The following STARD13 variants were observed in gnomAD, a reference collection of about 807,000 sequenced individuals.
The protein encoded by STARD13 is stAR-related lipid transfer protein 13.
In STARD13, 62 loss-of-function variants were observed where a neutral mutation model predicts 106.4. The observed-to-expected ratio is 0.58, with a 90% confidence interval of 0.48 to 0.72. The LOEUF is 0.72. STARD13 is among the 30% of genes least tolerant of loss of function. The pLI, the probability that STARD13 is intolerant of heterozygous loss-of-function variation, is 0.00. For missense variants in STARD13, 1,387 were observed against 1,424.0 expected (o/e 0.97, Z 0.42); for synonymous variants, 565 against 553.0 (o/e 1.02, Z -0.31).
At chr13:33,510,494 T>C in the STARD13 span, among the ~76,000 whole-genome samples, 1 of 152,286 alleles carries the variant, frequency 6.6e-6, no homozygotes, top group East Asian at 1.9e-4. Context: ...CTAGAACTCC[T>C]GGCTCTAGGG....
chr13:33,380,617 C>G, the STARD13 span, among the ~76,000 whole-genome samples: 1 of 151,846 alleles, frequency 6.6e-6, no homozygotes, highest in Non-Finnish European at 1.5e-5. Flanking sequence ...AAGGGGGAGG[C>G]AGGAGAGGAT....
At position 33,109,879 on chromosome 13, in the gene STARD13, A is replaced by G; in HGVS notation, c.3041T>C (p.Val1014Ala). Reference protein sequence around the residue: ...MAPHPSRDFVVLRTWKTDLPK... With the variant: ...MAPHPSRDFVALRTWKTDLPK... The stretch of plus-strand genomic sequence containing the variant: ...ACCCTAGAGTCAGGCTCACCTGAGA[A>G]CCACAAAGTCTCTGGAAGGATGGGG... Residue 1014 changes from valine (V) to alanine (A), a missense_variant, in exon 12 of 14, where the codon GTT becomes GCT. Coordinates refer to ENST00000336934, the MANE Select transcript of STARD13 (RefSeq NM_178006.4). 6.2e-7 allele frequency: 1 copy of G among 1,614,200 alleles called. No homozygotes were observed. The highest frequency in any genetic ancestry group is 8.5e-7 in the Non-Finnish European group (1 of 1,180,000).
chr13:33,171,520 C>T (rs797225), intron 1 of STARD13, among the ~76,000 whole-genome samples: 1 of 152,052 alleles, frequency 6.6e-6, no homozygotes, highest in African/African-American at 2.4e-5. Context: ...GATAACGGAA[C>T]CTCTTTCTGC....
the STARD13 span, among the ~76,000 whole-genome samples, chr13:33,498,584 G>T: frequency 1.3e-5 from 2 of 152,056 alleles, no homozygotes; most frequent in African/African-American, 4.8e-5. Flanking sequence ...TATTAAATGG[G>T]TCCAAATTAT....
At chr13:33,209,830 A>G (rs1164407465) in intron 1 of STARD13, among the ~76,000 whole-genome samples, 2 of 152,014 alleles carry the variant, frequency 1.3e-5, no homozygotes, top group Non-Finnish European at 2.9e-5. Context: ...AAAATTAGCC[A>G]GGCATGGCAG....
At chr13:33,518,461 A>G in the STARD13 span, among the ~76,000 whole-genome samples, 56 of 152,232 alleles carry the variant, frequency 3.7e-4, no homozygotes, top group African/African-American at 1.3e-3. Context: ...TCAAAAAGCT[A>G]TGCCAAACTG....
intron 13 of STARD13, 99 bp from the exon 14 acceptor site, chr13:33,105,809 G>A (rs1409396791): frequency 2.1e-6 from 2 of 971,634 alleles, no homozygotes; most frequent in Non-Finnish European, 3.3e-6. Flanking sequence ...CCGATGACCA[G>A]TGAACCTGCA....
chr13:33,314,277 G>A (rs2138509519), intron 1 of STARD13, among the ~76,000 whole-genome samples: 1 of 152,286 alleles, frequency 6.6e-6, no homozygotes, highest in South Asian at 2.1e-4. Flanking sequence ...AGTGGCATCA[G>A]AGAAACTCCA....
intron 1 of STARD13, among the ~76,000 whole-genome samples, chr13:33,172,310 G>A (rs937865210): frequency 9.2e-5 from 14 of 152,156 alleles, no homozygotes; most frequent in Middle Eastern, 3.2e-3. Flanking sequence ...ACTGCCAATT[G>A]CATTTCCCTG....
the STARD13 span, among the ~76,000 whole-genome samples, chr13:33,511,867 C>T: frequency 6.6e-6 from 1 of 152,196 alleles, no homozygotes; most frequent in Non-Finnish European, 1.5e-5. Flanking sequence ...TCTTTATACA[C>T]TAGCCCCATG....
Position 33,129,675 on chromosome 13 carries a change from G to T in STARD13, c.1002C>A (p.Ser334Arg). 1 of 1,613,978 alleles carries T rather than the reference G, an allele frequency of 6.2e-7. No individual in the cohort carries two copies. Among genetic ancestry groups the T allele is most frequent in the Non-Finnish European group, 8.5e-7 (1 of 1,180,034 alleles). Residue 334 changes from serine (S) to arginine (R), a missense_variant, in exon 5 of 14, where the codon AGC becomes AGA. Transcript: ENST00000336934. ...PCSGKSSGES[S>R]PSEHSSSGVS... ...CCCCGCTGCTGCTGTGCTCCGACGG[G>T]CTGCTCTCGCCACTCGACTTGCCAG...
At chr13:33,369,773 G>A in the STARD13 span, among the ~76,000 whole-genome samples, 1 of 151,932 alleles carries the variant, frequency 6.6e-6, no homozygotes, top group African/African-American at 2.4e-5. Context: ...TGCTTTGAGA[G>A]TTACTTATCA....
At chr13:33,432,846 A>G in the STARD13 span, among the ~76,000 whole-genome samples, 1 of 152,216 alleles carries the variant, frequency 6.6e-6, no homozygotes, top group Non-Finnish European at 1.5e-5. Context: ...ACTAATCTCA[A>G]AATGATTTAG....
At position 33,111,826 on chromosome 13, in the gene STARD13, T is replaced by C; in HGVS notation, c.2559A>G (p.Ala853=). The C allele has an allele frequency of 1.2e-6, 2 of 1,614,222 alleles. No individual in the cohort carries two copies. Among genetic ancestry groups the C allele is most frequent in the Non-Finnish European group, 1.7e-6 (2 of 1,180,030 alleles). ...DQKDLNENLA[A]AQGLAHMIME... ...TGATCATGTGCGCTAGCCCCTGAGCTGCTGCCAGATTCTCGTTGAGGTCCT... is the reference window on the plus strand; with the variant it reads ...TGATCATGTGCGCTAGCCCCTGAGCCGCTGCCAGATTCTCGTTGAGGTCCT... Residue 853 remains alanine (A), a synonymous_variant, in exon 10 of 14, where the codon GCA becomes GCG. Transcript: ENST00000336934.
At chr13:33,593,998 C>T in the STARD13 span, among the ~76,000 whole-genome samples, 5 of 152,084 alleles carry the variant, frequency 3.3e-5, no homozygotes, top group African/African-American at 1.2e-4. Flanking sequence ...GCTCTGTCTC[C>T]CGGGTTCACG....
intron 1 of STARD13, among the ~76,000 whole-genome samples, chr13:33,211,827 A>T (rs111859556): frequency 6.8e-6 from 1 of 146,960 alleles, no homozygotes; most frequent in African/African-American, 2.5e-5. Context: ...GTGTGTGTGT[A>T]TGTGTGTGTG....
chr13:33,511,852 CT>C, the STARD13 span, among the ~76,000 whole-genome samples: 1 of 152,120 alleles, frequency 6.6e-6, no homozygotes, highest in African/African-American at 2.4e-5. Context: ...AACTAATTAC[CT>C]AGCTCTTTAT....
intron 1 of STARD13, among the ~76,000 whole-genome samples, chr13:33,220,140 A>G (rs1888275501): frequency 6.6e-6 from 1 of 152,194 alleles, no homozygotes; most frequent in Non-Finnish European, 1.5e-5. Context: ...CTGGCACATA[A>G]TAGGCATTCA....
At position 33,139,827 on chromosome 13, in the gene STARD13, C is replaced by T. The variant is rs990110411; in HGVS notation, c.387+2483G>A. On this transcript the variant is annotated intron_variant, in intron 4 of 13. Transcript: ENST00000336934. ...TTGTGTAAGAGGAAGATCACAGAAACGGGTGTCACAACAGTGTCTCCTAAG... is the reference window on the plus strand; with the variant it reads ...TTGTGTAAGAGGAAGATCACAGAAATGGGTGTCACAACAGTGTCTCCTAAG... 5.3e-5 allele frequency among the ~76,000 whole-genome samples: 8 copies of T among 151,748 alleles called. 1 individual carries two copies. Among genetic ancestry groups the T allele is most frequent in the Admixed American group, 1.3e-4 (2 of 15,238 alleles).
Sources: allele counts gnomAD v4.1 joint callset (sites outside exome capture counted in the v4.1 genomes callset), GRCh38; gene constraint gnomAD v4.1.1; transcripts MANE v1.5; gene names NCBI Gene and HGNC (gene_info 2026-07-23, HGNC 2026-07-21).